USPL1: variants seen among roughly 807,000 people sequenced by gnomAD.
USPL1 encodes the protein ubiquitin specific peptidase like 1.
In USPL1, 27 loss-of-function variants were observed where a neutral mutation model predicts 51.5. The ratio of observed to expected loss-of-function variants is 0.52; its 90% CI spans 0.39 to 0.72. The LOEUF is 0.72. Ranked by LOEUF, USPL1 falls within the 30% of genes least tolerant of loss-of-function variation. USPL1 has a pLI of 0.00. For missense variants in USPL1, 1,226 were observed against 1,268.0 expected (o/e 0.97, Z 0.50); for synonymous variants, 451 against 459.6 (o/e 0.98, Z 0.24).
At chr13:30,632,091 T>G (rs1309155879) in intron 4 of USPL1, among the ~76,000 whole-genome samples, 1 of 152,120 alleles carries the variant, frequency 6.6e-6, no homozygotes, top group African/African-American at 2.4e-5. Context: ...TATTAGGTAT[T>G]TCTCCTAATG....
chr13:30,643,425 C>G (rs146954951), intron 6 of USPL1, among the ~76,000 whole-genome samples: 2 of 152,230 alleles, frequency 1.3e-5, no homozygotes, highest in Admixed American at 6.5e-5. Flanking sequence ...CCTGTACCCA[C>G]CACGTAAGGA....
chr13:30,642,523 A>C, intron 5 of USPL1, 105 bp from the exon 6 acceptor site: 3 of 1,376,184 alleles, frequency 2.2e-6, no homozygotes, highest in Non-Finnish European at 3.0e-6. Context: ...GTATTAACAC[A>C]TATTCATGCT....
At chr13:30,638,750 ATGAG>A (rs1309881195) in intron 5 of USPL1, among the ~76,000 whole-genome samples, 1 of 151,338 alleles carries the variant, frequency 6.6e-6, no homozygotes, top group African/African-American at 2.4e-5. Context: ...TTTTCTCTCA[ATGAG>A]TGACATTTAA....
rs538355840 is a variant in USPL1, at chr13:30,621,323, A to T, written c.99+84A>T. The stretch of plus-strand genomic sequence containing the variant: ...ACTTAAATTCAATTTTGATGTTACC[A>T]GTTAACTTCTAAAAAATTGTGTCTT... On this transcript the variant is annotated intron_variant, in intron 2 of 8. Transcript: ENST00000255304. 6.9e-6 allele frequency: 7 copies of T among 1,010,118 alleles called. No homozygotes were observed. The South Asian group carries it at 7.8e-5, about 11-fold the overall frequency. 62.6% of individuals were successfully genotyped at this position (1,010,118 alleles called of 1,614,324 possible).
chr13:30,618,259 CAG>C (rs1019370901), intron 1 of USPL1, among the ~76,000 whole-genome samples: 3 of 152,106 alleles, frequency 2.0e-5, no homozygotes, highest in African/African-American at 7.2e-5. Context: ...GAAGAGAAAC[CAG>C]AGTTTGTTTT....
At position 30,631,408 on chromosome 13, in the gene USPL1, CG is replaced by C; in HGVS notation, c.804del (p.Leu269CysfsTer17). On this transcript the variant is annotated frameshift_variant, in exon 4 of 9. Transcript: ENST00000255304. LOFTEE classifies it high-confidence loss of function. ...CTCGAAGGAGGAATCTATATTCTGG[CG>C]GTTGCTTACAAAATATAATCAAGCA... is the stretch of plus-strand genomic sequence containing the variant. ...LCSKEESIFW[R>X]LLTKYNQANT... 6.2e-7 allele frequency: 1 copy of C among 1,614,092 alleles called. No individual in the cohort carries two copies. The highest frequency in any genetic ancestry group is 8.5e-7 in the Non-Finnish European group (1 of 1,179,996).
intron 4 of USPL1, among the ~76,000 whole-genome samples, chr13:30,632,138 C>A (rs1054555892): frequency 1.3e-5 from 2 of 151,980 alleles, no homozygotes; most frequent in Non-Finnish European, 2.9e-5. Context: ...CCATCAGGCC[C>A]CAGTGTGTGA....
At position 30,659,508 on chromosome 13, in the gene USPL1, A is replaced by G; in HGVS notation, c.*152A>G. Reference sequence around the variant, plus strand: ...GGTTTAACCTTTGGTTCTGCCCATGAAGCATGTAATCTTTCTTACACATTA... The same window carrying G: ...GGTTTAACCTTTGGTTCTGCCCATGGAGCATGTAATCTTTCTTACACATTA... On this transcript the variant is annotated 3_prime_UTR_variant, in exon 9 of 9. Coordinates refer to ENST00000255304, the MANE Select transcript of USPL1 (RefSeq NM_005800.5). 2 of 662,876 alleles carry G rather than the reference A, an allele frequency of 3.0e-6. No individual in the cohort carries two copies. The highest frequency in any genetic ancestry group is 5.8e-5 in the East Asian group (2 of 34,314). The allele number at this position is 662,876 out of a possible 1,614,324, so 41.1% of individuals were successfully genotyped here.
chr13:30,636,310 G>A (rs1224839324), intron 4 of USPL1, among the ~76,000 whole-genome samples: 2 of 150,430 alleles, frequency 1.3e-5, no homozygotes, highest in East Asian at 3.9e-4. Context: ...TTATAATCTG[G>A]TTAATTATAT....
At chr13:30,640,642 A>G (rs1410463633) in intron 5 of USPL1, among the ~76,000 whole-genome samples, 1 of 152,186 alleles carries the variant, frequency 6.6e-6, no homozygotes, top group Non-Finnish European at 1.5e-5. Flanking sequence ...GCGAGCAGAG[A>G]TTGCGCCATT....
chr13:30,618,289 G>A (rs1029469178), intron 1 of USPL1, among the ~76,000 whole-genome samples: 1 of 152,168 alleles, frequency 6.6e-6, no homozygotes, highest in Admixed American at 6.5e-5. Flanking sequence ...CAAGGAGCGT[G>A]GAGATGGGCA....
Position 30,658,467 on chromosome 13 carries a change from G to C in USPL1, c.2390G>C (p.Gly797Ala). 1 of 1,613,744 alleles carries C rather than the reference G, an allele frequency of 6.2e-7. No homozygotes were observed. Among genetic ancestry groups the C allele is most frequent in the Non-Finnish European group, 8.5e-7 (1 of 1,180,036 alleles). ...TCAGTTAAAGGGGTAAATAATTTTG[G>C]TGGCTTTAAAACTAAAGGTATAAAC... The part of the protein sequence containing the change: ...QPSVKGVNNF[G>A]GFKTKGINQK... The change falls in exon 9 of 9, where the codon GGT becomes GCT. Residue 797 changes from glycine (G) to alanine (A), a missense_variant. Coordinates refer to ENST00000255304, the MANE Select transcript of USPL1 (RefSeq NM_005800.5).
chr13:30,629,817 T>C lies in USPL1; in HGVS notation c.229-1018T>C, dbSNP rs532283000. ...ATGTGTGCTAATGTTCCATCAAAGC[T>C]AGTCACAGGGCCAAGCCAACTCTGT... On this transcript the variant is annotated intron_variant, in intron 3 of 8. Coordinates refer to ENST00000255304, the MANE Select transcript of USPL1 (RefSeq NM_005800.5). 3.9e-5 allele frequency among the ~76,000 whole-genome samples: 6 copies of C among 152,224 alleles called. No homozygotes were observed. In the East Asian group the frequency reaches 7.7e-4, roughly 20 times the overall value.
At position 30,660,742 on chromosome 13, in the gene USPL1, TATAA is replaced by T. The variant is rs1374619573; in HGVS notation, c.*1393_*1396del. 1.3e-5 allele frequency: 2 copies of T among 152,246 alleles called. No homozygotes were observed. Among genetic ancestry groups the T allele is most frequent in the Non-Finnish European group, 2.9e-5 (2 of 68,042 alleles). 9.4% of individuals were successfully genotyped at this position (152,246 alleles called of 1,614,324 possible). A position where few individuals can be genotyped will look rare whatever the true frequency, so the allele number is the denominator to read the frequency against. The stretch of plus-strand genomic sequence containing the variant: ...AGTAATGTTAAGTGATCAATAAATC[TATAA>T]ATAAATGATAGCAGAAAAAAGTTAC... On this transcript the variant is annotated 3_prime_UTR_variant, in exon 9 of 9. Transcript: ENST00000255304.
chr13:30,621,726 G>A lies in USPL1; in HGVS notation c.100-38G>A, dbSNP rs1950648990. 5 of 1,391,800 alleles carry A rather than the reference G, an allele frequency of 3.6e-6. No homozygotes were observed. The East Asian group carries it at 1.1e-4, about 30-fold the overall frequency. 86.2% of individuals were successfully genotyped at this position (1,391,800 alleles called of 1,614,324 possible). On this transcript the variant is annotated intron_variant, in intron 2 of 8. Transcript: ENST00000255304. Reference sequence around the variant, plus strand: ...CTTTTAATATTTTGATATATTCTAGGAATGTCTATATTTTAATTTGCTTTA... The same window carrying A: ...CTTTTAATATTTTGATATATTCTAGAAATGTCTATATTTTAATTTGCTTTA...
At chr13:30,619,671 A>G (rs1950623370) in intron 1 of USPL1, among the ~76,000 whole-genome samples, 1 of 152,164 alleles carries the variant, frequency 6.6e-6, no homozygotes, top group Non-Finnish European at 1.5e-5. Flanking sequence ...ATCTCATTTA[A>G]TTCTTAGAAG....
intron 8 of USPL1, among the ~76,000 whole-genome samples, chr13:30,655,874 T>C (rs1170371924): frequency 6.6e-6 from 1 of 152,230 alleles, no homozygotes; most frequent in Non-Finnish European, 1.5e-5. Flanking sequence ...ATTTATCACA[T>C]TTGGTTTCAT....
chr13:30,645,213 T>C (rs922731924), intron 6 of USPL1, among the ~76,000 whole-genome samples: 1 of 152,206 alleles, frequency 6.6e-6, no homozygotes, highest in Non-Finnish European at 1.5e-5. Flanking sequence ...TCAGCTTAAT[T>C]GTAGCTTCTC....
In USPL1 at chr13:30,660,434, C is replaced by T. The variant is rs1490795489; in HGVS notation, c.*1078C>T. On this transcript the variant is annotated 3_prime_UTR_variant, in exon 9 of 9. Coordinates refer to ENST00000255304, the MANE Select transcript of USPL1 (RefSeq NM_005800.5). The stretch of plus-strand genomic sequence containing the variant: ...GGATGCCTGAGTCTGCACCCGCACC[C>T]AGGAGGGTGGAGATCTTGCCTGCTC... 6.6e-6 allele frequency: 1 copy of T among 152,278 alleles called. No homozygotes were observed. The highest frequency in any genetic ancestry group is 2.4e-5 in the African/African-American group (1 of 41,472). The allele number at this position is 152,278 out of a possible 1,614,324, so 9.4% of individuals were successfully genotyped here.
Sources: gnomAD v4.1 joint callset for allele counts (sites outside exome capture counted in the v4.1 genomes callset) on GRCh38, gnomAD v4.1.1 for gene constraint, MANE v1.5 for transcripts, NCBI Gene and HGNC (gene_info 2026-07-23, HGNC 2026-07-21) for gene names.